The following ETV6 variants were observed in gnomAD, a reference collection of about 807,000 sequenced individuals.
ETV6 encodes the protein ETS variant transcription factor 6.
In ETV6, 16 loss-of-function variants were observed where a neutral mutation model predicts 51.1. The ratio of observed to expected loss-of-function variants is 0.31; its 90% confidence interval spans 0.21 to 0.48. ETV6 has a LOEUF of 0.48. ETV6 is among the 20% of genes least tolerant of loss of function. The probability of loss-of-function intolerance (pLI) is 0.99; values close to 1 mark genes in which losing one functional copy is unlikely to be tolerated. For synonymous variants in ETV6, 240 were observed against 224.1 expected, an observed-to-expected ratio of 1.07 and a Z score of -0.64; for missense variants, 458 against 594.8, an observed-to-expected ratio of 0.77 and a Z score of 2.39.
intron 5 of ETV6, among the ~76,000 whole-genome samples, chr12:11,876,818 G>A (rs1344826301): frequency 2.6e-5 from 4 of 152,080 alleles, no homozygotes; most frequent in Non-Finnish European, 4.4e-5. Flanking sequence ...TGGTCAGTTG[G>A]GTCATTAATC....
chr12:11,864,753 T>TA (rs112545930), intron 4 of ETV6, among the ~76,000 whole-genome samples: 116 of 145,062 alleles, frequency 8.0e-4, no homozygotes, highest in South Asian at 1.8e-3. Flanking sequence ...TTAAGCACTT[T>TA]AAAAAAAAAA....
intron 3 of ETV6, among the ~76,000 whole-genome samples, chr12:11,842,912 T>G (rs1946411309): frequency 9.5e-6 from 1 of 104,960 alleles, no homozygotes; most frequent in Non-Finnish European, 1.8e-5. Flanking sequence ...GAGTTCATTT[T>G]TAAAGCAAGC....
At chr12:11,680,360 T>C (rs1032005003) in intron 1 of ETV6, among the ~76,000 whole-genome samples, 2 of 152,256 alleles carry the variant, frequency 1.3e-5, no homozygotes, top group African/African-American at 4.8e-5. Context: ...CACATTTTTC[T>C]CATTTCTAAA....
chr12:11,780,749 AG>A (rs1233124994), intron 2 of ETV6, among the ~76,000 whole-genome samples: 1 of 152,188 alleles, frequency 6.6e-6, no homozygotes, highest in African/African-American at 2.4e-5. Flanking sequence ...TCCAGGGAAC[AG>A]GGGAGAAAGC....
chr12:11,695,790 C>T (rs565271208), intron 1 of ETV6, among the ~76,000 whole-genome samples: 2 of 152,320 alleles, frequency 1.3e-5, no homozygotes, highest in South Asian at 2.1e-4. Flanking sequence ...CTCAGCTGCT[C>T]CCCTCGTCCT....
Position 11,875,995 on chromosome 12 carries a change from G to A in ETV6, c.1009+6026G>A, listed in dbSNP as rs1040157098. 2.2e-4 allele frequency among the ~76,000 whole-genome samples: 33 copies of A among 152,176 alleles called. 2 individuals are homozygous for A. ...CTCTCTGCCTTGCAACATTGTGTAC[G>A]TGGTGGTCAGTGTGCTTGGAATCAT... On this transcript the variant is annotated intron_variant, in intron 5 of 7. Transcript: ENST00000396373.
chr12:11,680,265 G>A (rs1864501140), intron 1 of ETV6, among the ~76,000 whole-genome samples: 1 of 152,194 alleles, frequency 6.6e-6, no homozygotes, highest in Admixed American at 6.5e-5. Context: ...TTGGGGGGCA[G>A]GCAGTATATT....
At chr12:11,735,910 T>C (rs952852514) in intron 1 of ETV6, among the ~76,000 whole-genome samples, 2 of 152,256 alleles carry the variant, frequency 1.3e-5, no homozygotes, top group African/African-American at 2.4e-5. Flanking sequence ...AGCTCGTCGC[T>C]TATTATGCAA....
chr12:11,813,789 G>T (rs1336465992), intron 2 of ETV6, among the ~76,000 whole-genome samples: 2 of 152,244 alleles, frequency 1.3e-5, no homozygotes, highest in East Asian at 1.9e-4. Context: ...ACAGGCCAAA[G>T]AAATCTTCCA....
rs141868934 is a variant in ETV6 at position 11,869,735 on chromosome 12, C to T, written c.775C>T (p.Arg259Trp). 4 of 1,613,744 alleles carry T rather than the reference C, an allele frequency of 2.5e-6. No homozygotes were observed. Among genetic ancestry groups the T allele is most frequent in the African/African-American group, 2.7e-5 (2 of 74,904 alleles). ...GTCCCACCCGAAGCCATCCAGCCCC[C>T]GGCAGGAGAGCACACGCGTGATCCA... ...SESHPKPSSPRQESTRVIQLM... is the reference protein window; with the variant it reads ...SESHPKPSSPWQESTRVIQLM... The change falls in exon 5 of 8, where the codon CGG becomes TGG. Residue 259 changes from arginine to tryptophan, a missense_variant. Arg to Trp is a moderately radical substitution (Grantham distance 101). Transcript: ENST00000396373. This position sits in a 1 kb window ranked among gnomAD's most constrained non-coding sequence, Gnocchi z 5.0.
intron 4 of ETV6, among the ~76,000 whole-genome samples, chr12:11,863,637 C>CA (rs1249541321): frequency 9.9e-5 from 15 of 152,026 alleles, no homozygotes; most frequent in Admixed American, 8.5e-4. Flanking sequence ...AAGGCCAGAC[C>CA]AAAAAAATCT....
rs561147695 is a variant in ETV6, at chr12:11,839,365, C to T, written c.328+61C>T. ...GAAAGTCTCTTAGTTAGTGGTTGGT[C>T]TTTAACACCCCTCACCCGGCCCAAG... On this transcript the variant is annotated intron_variant, in intron 3 of 7. Transcript: ENST00000396373. The T allele has an allele frequency of 2.6e-5, 40 of 1,511,782 alleles. 1 individual carries two copies. In the South Asian group the frequency reaches 4.9e-4, roughly 18 times the overall value. The allele number at this position is 1,511,782 out of a possible 1,614,324, so 93.6% of individuals were successfully genotyped here. A position where few individuals can be genotyped will look rare whatever the true frequency, so the allele number is the denominator to read the frequency against.
intron 1 of ETV6, among the ~76,000 whole-genome samples, chr12:11,675,616 A>G (rs1864408652): frequency 6.6e-6 from 1 of 152,176 alleles, no homozygotes; most frequent in Non-Finnish European, 1.5e-5. Context: ...GTTCTAGACT[A>G]TCCTGAGCAA....
At chr12:11,762,580 G>A (rs751637742) in intron 2 of ETV6, among the ~76,000 whole-genome samples, 3 of 152,196 alleles carry the variant, frequency 2.0e-5, no homozygotes. Context: ...AGCACAGTTG[G>A]CAAGGGAATG....
chr12:11,691,233 A>G (rs1339510109), intron 1 of ETV6, among the ~76,000 whole-genome samples: 2 of 152,122 alleles, frequency 1.3e-5, no homozygotes, highest in African/African-American at 4.8e-5. Context: ...ATCTCTAAAT[A>G]CCATCACATT....
chr12:11,717,073 A>G lies in ETV6; in HGVS notation c.34-35377A>G, dbSNP rs576277626. Among the ~76,000 whole-genome samples the G allele has an allele frequency of 5.9e-5, 9 of 152,256 alleles. 1 individual carries two copies. Among genetic ancestry groups the G allele is most frequent in the African/African-American group, 2.2e-4 (9 of 41,548 alleles). ...TTAGGCCTTCAGTGCACACAGATAG[A>G]TGCTTCCCCTGAGCCTCAGGGAAAG... On this transcript the variant is annotated intron_variant, in intron 1 of 7. Transcript: ENST00000396373.
chr12:11,878,054 C>G (rs1015291296), intron 5 of ETV6, among the ~76,000 whole-genome samples: 1 of 152,158 alleles, frequency 6.6e-6, no homozygotes, highest in Non-Finnish European at 1.5e-5. Context: ...CCTCCGTTTT[C>G]TTATTTCCTT....
At chr12:11,845,072 A>G (rs746649797) in intron 3 of ETV6, among the ~76,000 whole-genome samples, 7 of 151,934 alleles carry the variant, frequency 4.6e-5, no homozygotes, top group Non-Finnish European at 1.0e-4. Flanking sequence ...CTCATGATCT[A>G]CCCACTTTGG....
chr12:11,859,333 G>C (rs921731140), intron 4 of ETV6, among the ~76,000 whole-genome samples: 1 of 151,612 alleles, frequency 6.6e-6, no homozygotes, highest in East Asian at 1.9e-4. Context: ...AGTAGAGACA[G>C]GGTTTCGCCG....
Sources: gnomAD v4.1 joint callset for allele counts (sites outside exome capture counted in the v4.1 genomes callset) on GRCh38, gnomAD v4.1.1 for gene constraint, Gnocchi (gnomAD v3.1) non-coding constraint, MANE v1.5 for transcripts, NCBI Gene and HGNC (gene_info 2026-07-23, HGNC 2026-07-21) for gene names.